The following TAMM41 variants were observed in gnomAD, a reference collection of about 807,000 sequenced individuals.
TAMM41 encodes TAM41 mitochondrial translocator assembly and maintenance homolog.
In TAMM41, 36 loss-of-function variants were observed where a neutral mutation model predicts 44.1. The observed-to-expected ratio is 0.82, with a 90% confidence interval of 0.63 to 1.08. TAMM41 has a LOEUF of 1.08. TAMM41 is among the 50% of genes least tolerant of loss of function. The pLI, the probability that TAMM41 is intolerant of heterozygous loss-of-function variation, is 0.00. For synonymous variants in TAMM41, 164 were observed against 153.1 expected, an observed-to-expected ratio of 1.07 and a Z score of -0.53; for missense variants, 417 against 404.3, an observed-to-expected ratio of 1.03 and a Z score of -0.27.
At chr3:11,737,855 C>G in the TAMM41 span, among the ~76,000 whole-genome samples, 7 of 152,190 alleles carry the variant, frequency 4.6e-5, no homozygotes, top group African/African-American at 1.7e-4. Flanking sequence ...ATGGAGCTGA[C>G]TGGTCGCTGG....
At chr3:11,794,562 C>T (rs1262574170) in intron 7 of TAMM41, among the ~76,000 whole-genome samples, 2 of 152,156 alleles carry the variant, frequency 1.3e-5, no homozygotes, top group Non-Finnish European at 2.9e-5. Context: ...CCTTATTTAC[C>T]TAAAGCTAGT....
chr3:11,787,661 C>T (rs971733181), downstream of TAMM41, among the ~76,000 whole-genome samples: 8 of 152,274 alleles, frequency 5.3e-5, no homozygotes, highest in South Asian at 1.0e-3. Context: ...CCAAGAACCA[C>T]GTTAGGTAAT....
chr3:11,769,273 A>C, the TAMM41 span, among the ~76,000 whole-genome samples: 1 of 152,178 alleles, frequency 6.6e-6, no homozygotes, highest in South Asian at 2.1e-4. Context: ...TATTTTTAGT[A>C]AAGATGGGGT....
intron 3 of TAMM41, among the ~76,000 whole-genome samples, chr3:11,838,369 C>G (rs747469468): frequency 6.6e-6 from 1 of 152,190 alleles, no homozygotes; most frequent in Non-Finnish European, 1.5e-5. Flanking sequence ...GCATGTGCCA[C>G]CACGCCCAGG....
At chr3:11,758,599 C>A in the TAMM41 span, among the ~76,000 whole-genome samples, 1 of 152,232 alleles carries the variant, frequency 6.6e-6, no homozygotes, top group South Asian at 2.1e-4. Context: ...GATCCACCCA[C>A]CTTGGCCTCC....
the TAMM41 span, among the ~76,000 whole-genome samples, chr3:11,780,614 G>A: frequency 3.3e-5 from 5 of 152,162 alleles, no homozygotes; most frequent in African/African-American, 1.2e-4. Context: ...ATAAGGCTGT[G>A]GTGAGCATTA....
chr3:11,820,160 T>C (rs539305115), intron 4 of TAMM41, among the ~76,000 whole-genome samples: 29 of 152,344 alleles, frequency 1.9e-4, no homozygotes, highest in South Asian at 8.3e-4. Flanking sequence ...AACTTCCAAC[T>C]GTGTAAATCC....
At chr3:11,769,367 T>C in the TAMM41 span, among the ~76,000 whole-genome samples, 1 of 151,494 alleles carries the variant, frequency 6.6e-6, no homozygotes, top group African/African-American at 2.4e-5. Context: ...TTTTTTTTTT[T>C]TTTTTTTTGT....
At chr3:11,781,146 T>C in the TAMM41 span, among the ~76,000 whole-genome samples, 1 of 152,226 alleles carries the variant, frequency 6.6e-6, no homozygotes, top group Non-Finnish European at 1.5e-5. Flanking sequence ...TGCCACGTCC[T>C]GTCATCCTCT....
the TAMM41 span, among the ~76,000 whole-genome samples, chr3:11,730,828 G>C: frequency 6.6e-6 from 1 of 152,152 alleles, no homozygotes; most frequent in Non-Finnish European, 1.5e-5. Flanking sequence ...GTTTCCTCCT[G>C]GTTTCCCATC....
chr3:11,729,539 A>ATTTTTTTTTT, the TAMM41 span, among the ~76,000 whole-genome samples: 44 of 32,296 alleles, frequency 1.4e-3, 4 homozygotes, highest in East Asian at 4.7e-3. Flanking sequence ...TCTTTCTTTC[A>ATTTTTTTTTT]TTTTTTTTTT....
the TAMM41 span, among the ~76,000 whole-genome samples, chr3:11,778,935 C>T: frequency 2.0e-5 from 3 of 151,976 alleles, no homozygotes; most frequent in Non-Finnish European, 2.9e-5. Context: ...TTTTTGAGGG[C>T]GTCTGCTATG....
chr3:11,829,913 G>A (rs1416470024), intron 3 of TAMM41, 49 bp from the exon 4 acceptor site: 5 of 1,569,884 alleles, frequency 3.2e-6, no homozygotes, highest in Non-Finnish European at 4.4e-6. Context: ...GTGGAGTATT[G>A]CTCAAGCATG....
At chr3:11,782,835 T>C in the TAMM41 span, among the ~76,000 whole-genome samples, 1 of 152,142 alleles carries the variant, frequency 6.6e-6, no homozygotes, top group Admixed American at 6.5e-5. Context: ...TGGGACAGAG[T>C]GCCTGAGTCA....
At chr3:11,838,611 G>T (rs1452612655) in intron 3 of TAMM41, among the ~76,000 whole-genome samples, 3 of 152,232 alleles carry the variant, frequency 2.0e-5, no homozygotes, top group Non-Finnish European at 2.9e-5. Flanking sequence ...ATATGGGGTA[G>T]CAGAAGGGTG....
intron 4 of TAMM41, chr3:11,826,884 T>C (rs1171500621): frequency 6.6e-6 from 1 of 152,132 alleles, no homozygotes; most frequent in African/African-American, 2.4e-5. Context: ...ATTTAAAGTA[T>C]TGAGAGTAGT....
the TAMM41 span, among the ~76,000 whole-genome samples, chr3:11,748,899 C>G: frequency 0.17 from 24,461 of 144,366 alleles, 2,362 homozygotes; most frequent in Middle Eastern, 0.22. Context: ...CCCTCAACAC[C>G]CTGGGAAGTA....
chr3:11,839,436 C>A, intron 2 of TAMM41, 122 bp from the exon 3 acceptor site: 1 of 614,706 alleles, frequency 1.6e-6, no homozygotes, highest in Non-Finnish European at 2.8e-6. Context: ...TCCAAAGCCA[C>A]TCAAAACACC....
At chr3:11,809,957 T>C (rs909629915) in intron 5 of TAMM41, 2 of 314,900 alleles carry the variant, frequency 6.4e-6, no homozygotes, top group Non-Finnish European at 1.1e-5. Context: ...TTTCTGACTT[T>C]TGGTTTTAAA....
Sources: gnomAD v4.1 joint callset for allele counts (sites outside exome capture counted in the v4.1 genomes callset) on GRCh38, gnomAD v4.1.1 for gene constraint, MANE v1.5 for transcripts, NCBI Gene and HGNC (gene_info 2026-07-23, HGNC 2026-07-21) for gene names.